HS3ST5: variants seen among roughly 807,000 people sequenced by gnomAD.
HS3ST5 encodes the protein heparan sulfate glucosamine 3-O-sulfotransferase 5.
Under a neutral mutation model 25.4 loss-of-function variants are expected in HS3ST5, and 10 were observed. The ratio of observed to expected loss-of-function variants is 0.39; its 90% CI spans 0.24 to 0.67. The LOEUF (loss-of-function observed/expected upper bound fraction) is 0.67, where lower values mean the gene tolerates loss of function less well. Ranked by LOEUF, HS3ST5 falls within the 30% of genes least tolerant of loss-of-function variation. The pLI, the probability that HS3ST5 is intolerant of heterozygous loss-of-function variation, is 0.44. For synonymous variants in HS3ST5, 170 were observed against 162.4 expected (o/e 1.05, Z -0.36); for missense variants, 324 against 420.7 (o/e 0.77, Z 2.01).
chr6:114,321,282 C>T (rs975247028), intron 1 of HS3ST5, among the ~76,000 whole-genome samples: 11 of 152,174 alleles, frequency 7.2e-5, no homozygotes, highest in African/African-American at 2.6e-4. Context: ...ATATCAAAAA[C>T]GATTTGCTGT....
intron 1 of HS3ST5, among the ~76,000 whole-genome samples, chr6:114,303,698 T>C (rs966944777): frequency 6.6e-6 from 1 of 152,112 alleles, no homozygotes; most frequent in African/African-American, 2.4e-5. Flanking sequence ...TGGACCAACA[T>C]TGGTGCTGCA....
chr6:114,183,037 C>G (rs1340500141), intron 2 of HS3ST5, among the ~76,000 whole-genome samples: 1 of 152,150 alleles, frequency 6.6e-6, no homozygotes, highest in Admixed American at 6.5e-5. Flanking sequence ...ATTGGCTCCT[C>G]TAGTTCTCAG....
intron 2 of HS3ST5, among the ~76,000 whole-genome samples, chr6:114,228,184 T>C (rs998467173): frequency 1.2e-4 from 18 of 152,116 alleles, no homozygotes; most frequent in African/African-American, 4.1e-4. Flanking sequence ...AAAATACACA[T>C]TCTTACGACA....
chr6:114,139,167 C>T (rs112247048), intron 3 of HS3ST5, among the ~76,000 whole-genome samples: 48 of 152,162 alleles, frequency 3.2e-4, no homozygotes, highest in African/African-American at 1.1e-3. Context: ...TTCAGATGTG[C>T]TTATATTGTT....
Position 114,131,460 on chromosome 6 carries a change from A to C in HS3ST5, c.-33+36891T>G, listed in dbSNP as rs780921362. ...TTTGACAATAGTTTTTCACAGTGTA[A>C]AAATACATAGAATATTAGATCTTAA... On this transcript the variant is annotated intron_variant, in intron 3 of 4. Transcript: ENST00000312719. Among the ~76,000 whole-genome samples the C allele has an allele frequency of 9.8e-5, 15 of 152,326 alleles. No individual in the cohort carries two copies. In the East Asian group the frequency reaches 1.3e-3, roughly 14 times the overall value.
intron 3 of HS3ST5, among the ~76,000 whole-genome samples, chr6:114,069,226 G>C (rs1344962753): frequency 1.3e-5 from 2 of 152,062 alleles, no homozygotes; most frequent in African/African-American, 4.8e-5. Context: ...TTGAGTATTA[G>C]CTCATTTATC....
intron 1 of HS3ST5, among the ~76,000 whole-genome samples, chr6:114,256,111 A>G (rs907289634): frequency 2.0e-5 from 3 of 152,180 alleles, no homozygotes; most frequent in Non-Finnish European, 4.4e-5. Flanking sequence ...CACAGTGGCC[A>G]GGTGCAGTGG....
rs1023145847 is a variant in HS3ST5, at chr6:114,286,079, TACTC to T, written c.-339+56112_-339+56115del. Among the ~76,000 whole-genome samples the T allele has an allele frequency of 3.4e-4, 51 of 151,680 alleles. 1 individual carries two copies. The highest frequency in any genetic ancestry group is 1.1e-3 in the African/African-American group (45 of 41,366). ...TAGAGGTTGGATAACAAGTGATACT[TACTC>T]CTTTCCCGGTGTCTACTTTTCAATA... On this transcript the variant is annotated intron_variant, in intron 1 of 4. Transcript: ENST00000312719.
intron 1 of HS3ST5, among the ~76,000 whole-genome samples, chr6:114,269,838 A>G (rs2114697419): frequency 6.6e-6 from 1 of 152,288 alleles, no homozygotes; most frequent in African/African-American, 2.4e-5. Flanking sequence ...TGACAAAACC[A>G]AGACCCTCAG....
chr6:114,198,038 G>C (rs190349880), intron 2 of HS3ST5, among the ~76,000 whole-genome samples: 43 of 152,202 alleles, frequency 2.8e-4, no homozygotes, highest in Admixed American at 2.6e-3. Context: ...ATCCAAGGAA[G>C]CCAGAAAAGT....
At chr6:114,184,114 G>C (rs1780100238) in intron 2 of HS3ST5, among the ~76,000 whole-genome samples, 2 of 122,032 alleles carry the variant, frequency 1.6e-5, no homozygotes, top group African/African-American at 6.2e-5. Context: ...CCAGGCTAGA[G>C]TGCAGTGGGG....
chr6:114,336,620 A>AATG (rs1440154656), intron 1 of HS3ST5, among the ~76,000 whole-genome samples: 1 of 152,064 alleles, frequency 6.6e-6, no homozygotes, highest in African/African-American at 2.4e-5. Context: ...TAATAATAAT[A>AATG]ATAATAATTA....
chr6:114,307,587 G>A (rs556497500), intron 1 of HS3ST5, among the ~76,000 whole-genome samples: 12 of 152,172 alleles, frequency 7.9e-5, no homozygotes, highest in African/African-American at 2.9e-4. Flanking sequence ...TGTGTATAAA[G>A]TAATGCATAA....
At chr6:114,144,868 A>G (rs529481638) in intron 3 of HS3ST5, among the ~76,000 whole-genome samples, 2 of 152,356 alleles carry the variant, frequency 1.3e-5, no homozygotes, top group Admixed American at 1.3e-4. Flanking sequence ...TGCCTGATAT[A>G]TAACAGCTAT....
intron 3 of HS3ST5, among the ~76,000 whole-genome samples, chr6:114,095,631 T>C (rs996738220): frequency 2.0e-5 from 3 of 152,160 alleles, no homozygotes; most frequent in African/African-American, 4.8e-5. Context: ...CTCACTTTAC[T>C]GTAGAGGCAC....
At chr6:114,326,822 CT>C (rs984594214) in intron 1 of HS3ST5, among the ~76,000 whole-genome samples, 8 of 151,912 alleles carry the variant, frequency 5.3e-5, no homozygotes, top group Non-Finnish European at 1.0e-4. Flanking sequence ...CTGTAAACTT[CT>C]TTTTCAGTGA....
intron 1 of HS3ST5, among the ~76,000 whole-genome samples, chr6:114,339,166 T>C (rs1003964171): frequency 1.3e-5 from 2 of 152,156 alleles, no homozygotes; most frequent in African/African-American, 2.4e-5. Flanking sequence ...CAATGAAATA[T>C]AGAAATATTC....
intron 1 of HS3ST5, among the ~76,000 whole-genome samples, chr6:114,309,145 C>G (rs1337821020): frequency 1.3e-5 from 2 of 152,184 alleles, no homozygotes; most frequent in African/African-American, 4.8e-5. Flanking sequence ...CTAGGGGATG[C>G]TGTTGAAAGT....
intron 1 of HS3ST5, among the ~76,000 whole-genome samples, chr6:114,298,218 A>C (rs898641053): frequency 3.9e-5 from 6 of 152,204 alleles, no homozygotes; most frequent in African/African-American, 1.4e-4. Flanking sequence ...TATATAAATG[A>C]CCATGATGAT....
Sources: gnomAD v4.1 joint callset for allele counts (sites outside exome capture counted in the v4.1 genomes callset) on GRCh38, gnomAD v4.1.1 for gene constraint, MANE v1.5 for transcripts, NCBI Gene and HGNC (gene_info 2026-07-23, HGNC 2026-07-21) for gene names.